Variants in TBXAS1 observed in about 807,000 individuals in gnomAD.
TBXAS1 encodes thromboxane A synthase 1.
TBXAS1 carries 48 observed loss-of-function variants against 60.7 expected under a neutral mutation model. The observed-to-expected ratio is 0.79, with a 90% CI of 0.63 to 1.01. TBXAS1 has a LOEUF of 1.01. Ranked by LOEUF, TBXAS1 falls within the 50% of genes least tolerant of loss-of-function variation. TBXAS1 has a pLI of 0.00. For missense variants in TBXAS1, 685 were observed against 686.3 expected (o/e 1.00, Z 0.02); for synonymous variants, 287 against 269.7 (o/e 1.06, Z -0.63).
chr7:139,817,107 C>G (rs550772722), intron 4 of TBXAS1, among the ~76,000 whole-genome samples: 1 of 152,262 alleles, frequency 6.6e-6, no homozygotes, highest in South Asian at 2.1e-4. Flanking sequence ...AATCCTCCTC[C>G]ACCGATCACT....
At chr7:139,941,441 T>C (rs1482384539) in intron 5 of TBXAS1, among the ~76,000 whole-genome samples, 1 of 152,150 alleles carries the variant, frequency 6.6e-6, no homozygotes, top group Non-Finnish European at 1.5e-5. Flanking sequence ...TTGTTTTTTT[T>C]TTTTGGCCTA....
chr7:139,910,126 C>T (rs1805402170), intron 3 of TBXAS1, among the ~76,000 whole-genome samples: 1 of 152,156 alleles, frequency 6.6e-6, no homozygotes, highest in Non-Finnish European at 1.5e-5. Flanking sequence ...CTCATGCCTG[C>T]CAGAACATCA....
rs201257096 is a variant in TBXAS1, at chr7:139,951,951, AAAGAAAG to A, written c.451-1414_451-1408del. Among the ~76,000 whole-genome samples, 57 of 45,454 alleles carry A rather than the reference AAAGAAAG, an allele frequency of 1.3e-3. 2 individuals carry two copies. The highest frequency in any genetic ancestry group is 2.8e-3 in the African/African-American group (32 of 11,446). 29.8% of individuals were successfully genotyped at this position (45,454 alleles called of 152,430 possible). On this transcript the variant is annotated intron_variant, in intron 5 of 12. Coordinates refer to ENST00000448866, the MANE Select transcript of TBXAS1 (RefSeq NM_001061.7). Reference sequence around the variant, plus strand: ...AAAGAGAGAAAGAAGGAAAGAAAGAAAAGAAAGAAAGAAAGAAAGAAAGAAAGAAAGA... The same window carrying A: ...AAAGAGAGAAAGAAGGAAAGAAAGAAAAAGAAAGAAAGAAAGAAAGAAAGA...
intron 1 of TBXAS1, among the ~76,000 whole-genome samples, chr7:139,860,298 C>G (rs1213737484): frequency 6.6e-6 from 1 of 152,068 alleles, no homozygotes; most frequent in Non-Finnish European, 1.5e-5. Context: ...ATGTACTGTT[C>G]AGTTCTGTAG....
upstream of TBXAS1, among the ~76,000 whole-genome samples, chr7:139,825,760 C>G (rs543429507): frequency 1.3e-5 from 2 of 152,294 alleles, no homozygotes; most frequent in East Asian, 3.9e-4. Context: ...GTTTTCACCT[C>G]TGTAAAAAAG....
intron 4 of TBXAS1, among the ~76,000 whole-genome samples, chr7:139,930,445 T>G (rs1163961633): frequency 6.6e-6 from 1 of 152,130 alleles, no homozygotes; most frequent in Non-Finnish European, 1.5e-5. Flanking sequence ...TATCCCCATT[T>G]TACAGATTGA....
At chr7:139,824,114 C>T (rs1474326250) in intron 4 of TBXAS1, among the ~76,000 whole-genome samples, 1 of 152,212 alleles carries the variant, frequency 6.6e-6, no homozygotes, top group Non-Finnish European at 1.5e-5. Context: ...GGAAATACCA[C>T]AGAATTTATG....
chr7:139,853,644 G>T (rs943606513), intron 1 of TBXAS1, among the ~76,000 whole-genome samples: 2 of 152,156 alleles, frequency 1.3e-5, no homozygotes, highest in African/African-American at 4.8e-5. Context: ...GGCAGCCCCA[G>T]CTGACCCCTC....
At chr7:139,853,685 C>T (rs747592221) in intron 1 of TBXAS1, among the ~76,000 whole-genome samples, 13 of 152,156 alleles carry the variant, frequency 8.5e-5, no homozygotes, top group Non-Finnish European at 1.5e-4. Context: ...TGTTGGGGTT[C>T]ACCGGAGGCA....
chr7:139,837,888 C>T (rs985323955), intron 1 of TBXAS1, among the ~76,000 whole-genome samples: 3 of 152,216 alleles, frequency 2.0e-5, no homozygotes, highest in African/African-American at 7.2e-5. Context: ...CTCAACCAGC[C>T]TGTGAGTTCT....
At chr7:139,796,560 G>A (rs185935111) in intron 4 of TBXAS1, among the ~76,000 whole-genome samples, 2 of 152,316 alleles carry the variant, frequency 1.3e-5, no homozygotes, top group Admixed American at 1.3e-4. Flanking sequence ...TGCAATGGTG[G>A]ATGCATGTCA....
intron 4 of TBXAS1, among the ~76,000 whole-genome samples, chr7:139,793,649 A>C (rs765057445): frequency 3.9e-5 from 6 of 152,224 alleles, no homozygotes; most frequent in Non-Finnish European, 8.8e-5. Context: ...GAAAGCTTAC[A>C]TGTTGAGCCA....
chr7:139,903,897 C>T (rs909553744), intron 3 of TBXAS1, among the ~76,000 whole-genome samples: 7 of 151,948 alleles, frequency 4.6e-5, no homozygotes, highest in Non-Finnish European at 1.0e-4. Flanking sequence ...TCCTACTCTG[C>T]GGGTTGTCTG....
At chr7:139,966,830 C>T (rs1349781589) in intron 9 of TBXAS1, among the ~76,000 whole-genome samples, 1 of 152,206 alleles carries the variant, frequency 6.6e-6, no homozygotes, top group Non-Finnish European at 1.5e-5. Context: ...GAGGATGCCG[C>T]CCTGCGGGAG....
chr7:139,936,247 A>C lies in TBXAS1; in HGVS notation c.390A>C (p.Lys130Asn). ...VADSVLFLRD[K>N]RWEEVRGALM... is the part of the protein sequence containing the mutation. ...ACAGCGTTCTGTTTTTACGTGACAA[A>C]AGATGGGAAGAGGTCAGAGGTGCCC... The change falls in exon 5 of 13, where the codon AAA (lysine) becomes AAC (asparagine). Residue 130 changes from lysine to asparagine, a missense_variant. Coordinates refer to ENST00000448866, the MANE Select transcript of TBXAS1 (RefSeq NM_001061.7). 6.2e-7 allele frequency: 1 copy of C among 1,614,202 alleles called. No individual in the cohort carries two copies. Among genetic ancestry groups the C allele is most frequent in the Non-Finnish European group, 8.5e-7 (1 of 1,180,032 alleles).
intron 4 of TBXAS1, among the ~76,000 whole-genome samples, chr7:139,926,977 CT>C (rs563497347): frequency 1.3e-5 from 2 of 151,226 alleles, no homozygotes; most frequent in African/African-American, 4.9e-5. Flanking sequence ...TCTAGGGTTT[CT>C]TTTTTTTGTT....
intron 3 of TBXAS1, among the ~76,000 whole-genome samples, chr7:139,903,377 G>T (rs998285876): frequency 1.3e-5 from 2 of 152,028 alleles, no homozygotes; most frequent in East Asian, 3.9e-4. Context: ...CCATGATTTT[G>T]CAATCGTGAG....
At chr7:139,805,691 TTTCTTTCTTTCTTTC>T (rs1376740357) in intron 4 of TBXAS1, among the ~76,000 whole-genome samples, 2 of 35,374 alleles carry the variant, frequency 5.7e-5, no homozygotes, top group Admixed American at 7.3e-4. Flanking sequence ...TCTTTCTTTC[TTTCTTTCTTTCTTTC>T]TTTCTTTCTC....
chr7:139,967,655 C>G (rs991378695), intron 9 of TBXAS1, among the ~76,000 whole-genome samples: 4 of 152,202 alleles, frequency 2.6e-5, no homozygotes, highest in African/African-American at 9.6e-5. Context: ...GGTCATGTGC[C>G]CCATCCTTGG....
Sources: allele counts gnomAD v4.1 joint callset (sites outside exome capture counted in the v4.1 genomes callset), GRCh38; gene constraint gnomAD v4.1.1; transcripts MANE v1.5; gene names NCBI Gene and HGNC (gene_info 2026-07-23, HGNC 2026-07-21).